FAAH2: variants seen among roughly 807,000 people sequenced by gnomAD.
FAAH2 encodes fatty-acid amide hydrolase 2.
In FAAH2, 60 loss-of-function variants were observed where a neutral mutation model predicts 36.9. That is an observed-to-expected ratio of 1.63 (90% CI 1.32 to 2.02). The LOEUF (loss-of-function observed/expected upper bound fraction) is 2.02. Among genes scored for constraint, FAAH2 ranks in the 30% most tolerant of loss-of-function variants. The pLI is 0.00. For missense variants in FAAH2, 689 were observed against 397.5 expected (o/e 1.73, Z -6.23); for synonymous variants, 214 against 143.8 (o/e 1.49, Z -3.49).
intron 7 of FAAH2, among the ~76,000 whole-genome samples, chrX:57,385,423 C>T (rs1319573867): frequency 9.0e-6 from 1 of 111,333 alleles, no homozygotes; most frequent in African/African-American, 3.3e-5. Context: ...TTATTTCTCA[C>T]ACACCTGAAG....
chrX:57,393,373 G>A, intron 7 of FAAH2: 1 of 730,722 alleles, frequency 1.4e-6, no homozygotes, highest in East Asian at 3.2e-5. Flanking sequence ...CCACGTGAGG[G>A]TGGAGACCGG....
At chrX:57,264,465 A>G in the FAAH2 span, among the ~76,000 whole-genome samples, 3 of 112,886 alleles carry the variant, frequency 2.7e-5, no homozygotes. Flanking sequence ...AGAAATGCAA[A>G]TCAAAACCAC....
At chrX:57,279,154 G>A in the FAAH2 span, among the ~76,000 whole-genome samples, 25 of 112,184 alleles carry the variant, frequency 2.2e-4, no homozygotes, top group Non-Finnish European at 3.4e-4. Flanking sequence ...ACATGAACAC[G>A]TATGTTTATT....
the FAAH2 span, among the ~76,000 whole-genome samples, chrX:57,223,375 C>A: frequency 8.9e-6 from 1 of 111,888 alleles, no homozygotes; most frequent in African/African-American, 3.3e-5. Context: ...CCTTCAAAAG[C>A]AAGGACCATG....
At chrX:57,385,536 A>G (rs1007473205) in intron 7 of FAAH2, among the ~76,000 whole-genome samples, 7 of 111,632 alleles carry the variant, frequency 6.3e-5, no homozygotes, top group Non-Finnish European at 1.3e-4. Flanking sequence ...GGTGGAAGAG[A>G]CAGCTGCTAA....
the FAAH2 span, among the ~76,000 whole-genome samples, chrX:57,270,874 G>A: frequency 8.9e-6 from 1 of 112,080 alleles, no homozygotes. Context: ...CAAGGCCCTG[G>A]GTTTCAAGCA....
At chrX:57,465,275 C>T (rs2057029298) in intron 10 of FAAH2, among the ~76,000 whole-genome samples, 1 of 111,007 alleles carries the variant, frequency 9.0e-6, no homozygotes, top group Non-Finnish European at 1.9e-5. Flanking sequence ...ATCAAGCATA[C>T]TAATATATGC....
intron 5 of FAAH2, among the ~76,000 whole-genome samples, chrX:57,352,043 T>TATAC (rs1569283719): frequency 5.2e-5 from 1 of 19,255 alleles, no homozygotes; most frequent in Non-Finnish European, 9.6e-5. Context: ...TATACATATA[T>TATAC]ATATGTGTAT....
At chrX:57,253,482 T>C in the FAAH2 span, among the ~76,000 whole-genome samples, 1 of 110,551 alleles carries the variant, frequency 9.0e-6, no homozygotes. Context: ...TTCACCAAGG[T>C]AAAAATGAAG....
the FAAH2 span, among the ~76,000 whole-genome samples, chrX:57,233,476 G>T: frequency 2.7e-5 from 3 of 110,843 alleles, no homozygotes; most frequent in East Asian, 8.5e-4. Context: ...GTAAAGGAAG[G>T]CTTAATAGAA....
At chrX:57,220,410 TTA>T in the FAAH2 span, among the ~76,000 whole-genome samples, 1 of 110,956 alleles carries the variant, frequency 9.0e-6, no homozygotes, top group East Asian at 2.9e-4. Context: ...CCACTGCCTA[TTA>T]ACTCAACCGC....
chrX:57,257,272 G>A, the FAAH2 span, among the ~76,000 whole-genome samples: 8 of 112,117 alleles, frequency 7.1e-5, no homozygotes, highest in African/African-American at 2.6e-4. Context: ...ATTCAGAAGA[G>A]CAAAGACTTG....
chrX:57,368,019 T>C (rs113615947), intron 5 of FAAH2, among the ~76,000 whole-genome samples: 1,212 of 111,743 alleles, frequency 0.011, 14 homozygotes, highest in African/African-American at 0.038. Flanking sequence ...CCTGAGGTTT[T>C]GCCATCATTA....
chrX:57,236,168 C>A, the FAAH2 span, among the ~76,000 whole-genome samples: 1 of 112,107 alleles, frequency 8.9e-6, no homozygotes, highest in Non-Finnish European at 1.9e-5. Flanking sequence ...CCATTAATGA[C>A]AGGATTTTTC....
At chrX:57,262,198 GACCTGA>G in the FAAH2 span, among the ~76,000 whole-genome samples, 5 of 111,340 alleles carry the variant, frequency 4.5e-5, no homozygotes, top group Non-Finnish European at 9.4e-5. Context: ...GGACTCTCAG[GACCTGA>G]GTAATGACAC....
intron 7 of FAAH2, among the ~76,000 whole-genome samples, chrX:57,419,330 A>T (rs1254436829): frequency 2.7e-5 from 3 of 110,755 alleles, no homozygotes; most frequent in Admixed American, 9.6e-5. Flanking sequence ...TTACAGTCCC[A>T]CCAACAGTGT....
At chrX:57,282,037 C>T, upstream of FAAH2, among the ~76,000 whole-genome samples, 1 of 112,035 alleles carries the variant, frequency 8.9e-6, no homozygotes, top group South Asian at 3.7e-4. Context: ...CATACAGATG[C>T]ATGTATTTTT....
At chrX:57,433,750 CT>C (rs1406932491) in intron 8 of FAAH2, among the ~76,000 whole-genome samples, 3 of 112,390 alleles carry the variant, frequency 2.7e-5, no homozygotes, top group African/African-American at 9.7e-5. Flanking sequence ...CCCCACTTCT[CT>C]TGCAGTTTCT....
chrX:57,324,991 C>A (rs887691311), intron 3 of FAAH2, among the ~76,000 whole-genome samples: 8 of 111,968 alleles, frequency 7.1e-5, no homozygotes, highest in Non-Finnish European at 1.5e-4. Flanking sequence ...ATAGATAGCT[C>A]TTAATATTTT....
Sources: gnomAD v4.1 joint callset for allele counts (sites outside exome capture counted in the v4.1 genomes callset) on GRCh38, gnomAD v4.1.1 for gene constraint, MANE v1.5 for transcripts, NCBI Gene and HGNC (gene_info 2026-07-23, HGNC 2026-07-21) for gene names.